The following SETBP1 variants were observed in gnomAD, a reference collection of about 807,000 sequenced individuals.
The protein encoded by SETBP1 is SET-binding protein.
A neutral mutation model predicts 101.0 loss-of-function variants in SETBP1; 9 were observed. That is an observed-to-expected ratio of 0.09 (90% CI 0.05 to 0.16). SETBP1 has a LOEUF of 0.16. Ranked by LOEUF, SETBP1 falls within the 10% of genes least tolerant of loss-of-function variation. The probability of loss-of-function intolerance (pLI) is 1.00; values close to 1 mark genes in which losing one functional copy is unlikely to be tolerated. For missense variants in SETBP1, 1,858 were observed against 2,033.8 expected (o/e 0.91, Z 1.66); for synonymous variants, 818 against 788.5 (o/e 1.04, Z -0.63).
chr18:45,037,904 A>G (rs190017600), intron 4 of SETBP1, among the ~76,000 whole-genome samples: 2 of 152,228 alleles, frequency 1.3e-5, no homozygotes, highest in African/African-American at 4.8e-5. Context: ...GCCTTAGCCT[A>G]TGCCCTTACT....
At chr18:44,977,494 T>C (rs900396165) in intron 4 of SETBP1, among the ~76,000 whole-genome samples, 1 of 152,246 alleles carries the variant, frequency 6.6e-6, no homozygotes, top group Non-Finnish European at 1.5e-5. Flanking sequence ...ATGAATTGGA[T>C]TGTGAATAAA....
At chr18:44,884,988 A>G (rs944946058) in intron 3 of SETBP1, among the ~76,000 whole-genome samples, 9 of 152,320 alleles carry the variant, frequency 5.9e-5, no homozygotes, top group African/African-American at 1.9e-4. Context: ...AATCCTACCC[A>G]GGAATGATCA....
At chr18:45,056,489 T>C (rs2073810709) in intron 5 of SETBP1, among the ~76,000 whole-genome samples, 1 of 152,224 alleles carries the variant, frequency 6.6e-6, no homozygotes, top group Admixed American at 6.5e-5. Flanking sequence ...TAGAATTATT[T>C]AGGTAAAATA....
At chr18:44,684,077 C>T (rs1483628495) in intron 1 of SETBP1, among the ~76,000 whole-genome samples, 1 of 152,144 alleles carries the variant, frequency 6.6e-6, no homozygotes, top group Non-Finnish European at 1.5e-5. Flanking sequence ...GAAAGGAAGC[C>T]TCACAGAGGT....
chr18:44,701,625 C>T lies in SETBP1; in HGVS notation c.279C>T (p.Ile93=). 1.2e-6 allele frequency: 2 copies of T among 1,614,156 alleles called. No individual in the cohort carries two copies. The highest frequency in any genetic ancestry group is 1.7e-6 in the Non-Finnish European group (2 of 1,180,034). The change falls in exon 2 of 6, where the codon ATC becomes ATT. Residue 93 remains isoleucine, a synonymous_variant. Coordinates refer to ENST00000649279, the MANE Select transcript of SETBP1 (RefSeq NM_015559.3). ...GDGLEEQEFS[I]KEANFTEGSL... is the part of the protein sequence containing the mutation. ...GTTTGGAAGAGCAGGAATTTTCTATCAAGGAGGCAAACTTCACAGAGGGAA... is the reference window on the plus strand; with the variant it reads ...GTTTGGAAGAGCAGGAATTTTCTATTAAGGAGGCAAACTTCACAGAGGGAA...
intron 4 of SETBP1, among the ~76,000 whole-genome samples, chr18:44,996,372 G>A (rs185763189): frequency 2.0e-5 from 3 of 152,326 alleles, no homozygotes; most frequent in African/African-American, 4.8e-5. Context: ...AGGAACTTGT[G>A]GGGTGGAGTT....
intron 1 of SETBP1, among the ~76,000 whole-genome samples, chr18:44,682,790 C>T (rs1287563815): frequency 1.3e-5 from 2 of 152,232 alleles, no homozygotes; most frequent in East Asian, 1.9e-4. Flanking sequence ...TCTCCTCCCC[C>T]GTTAAGGGGA....
chr18:44,850,427 G>A (rs1211363766), intron 2 of SETBP1, among the ~76,000 whole-genome samples: 1 of 151,872 alleles, frequency 6.6e-6, no homozygotes, highest in Non-Finnish European at 1.5e-5. Context: ...CTGGAATGCA[G>A]TGGTGGGATC....
At position 44,952,060 on chromosome 18, in the gene SETBP1, C is replaced by G. The variant is rs753354649; in HGVS notation, c.2720C>G (p.Ser907Cys). The stretch of plus-strand genomic sequence containing the variant: ...CTGGACAACCCGGAGGCCATTCCGT[C>G]CGACACCAGCACAAAGAACCGGCAT... ...CSLDNPEAIP[S>C]DTSTKNRHGH... The change falls in exon 4 of 6, where the codon TCC becomes TGC. Residue 907 changes from serine to cysteine, a missense_variant. By Grantham distance (112) the Ser-to-Cys change is moderately radical. Around this residue, in one of 12 missense-constraint regions of SETBP1, gnomAD observed 255 missense variants for 300.1 expected, o/e 0.85. Coordinates refer to ENST00000649279, the MANE Select transcript of SETBP1 (RefSeq NM_015559.3). 6.2e-7 allele frequency: 1 copy of G among 1,614,102 alleles called. No individual in the cohort carries two copies. The highest frequency in any genetic ancestry group is 2.2e-5 in the East Asian group (1 of 44,866).
chr18:44,785,040 T>C (rs1189147247), intron 2 of SETBP1, among the ~76,000 whole-genome samples: 1 of 152,234 alleles, frequency 6.6e-6, no homozygotes, highest in Non-Finnish European at 1.5e-5. Context: ...GTACTTTGTA[T>C]ATTGGGAATC....
chr18:44,895,173 AGGAGGGGAGGGGATGGGAGG>A (rs2069865480), intron 3 of SETBP1, among the ~76,000 whole-genome samples: 1 of 104,556 alleles, frequency 9.6e-6, no homozygotes, highest in Non-Finnish European at 2.0e-5. Context: ...GGAAGGGAAG[AGGAGGGGAGGGGATGGGAGG>A]GGAGGGGAGG....
chr18:44,957,754 A>G (rs2071521658), intron 4 of SETBP1, among the ~76,000 whole-genome samples: 1 of 152,214 alleles, frequency 6.6e-6, no homozygotes, highest in African/African-American at 2.4e-5. Context: ...GGAATTAGCC[A>G]CGTGGATGAA....
chr18:44,962,629 A>G (rs1481124777), intron 4 of SETBP1, among the ~76,000 whole-genome samples: 2 of 152,228 alleles, frequency 1.3e-5, no homozygotes, highest in African/African-American at 4.8e-5. Flanking sequence ...CATTCTACAA[A>G]AAAAGAAACC....
rs980307009 is a variant in SETBP1, at chr18:45,064,520, G to A, written c.*822G>A. On this transcript the variant is annotated 3_prime_UTR_variant, in exon 6 of 6. Coordinates refer to ENST00000649279, the MANE Select transcript of SETBP1 (RefSeq NM_015559.3). ...CCTTGGCATGCTGTTCCAAGAACCT[G>A]GGTTTGAATCCCAATCGTTGTGAAA... The A allele has an allele frequency of 6.6e-6, 1 of 151,738 alleles. No homozygotes were observed. The highest frequency in any genetic ancestry group is 2.4e-5 in the African/African-American group (1 of 41,262). 9.4% of individuals were successfully genotyped at this position (151,738 alleles called of 1,614,324 possible).
chr18:44,879,932 A>C (rs2069492253), intron 3 of SETBP1, among the ~76,000 whole-genome samples: 2 of 152,180 alleles, frequency 1.3e-5, no homozygotes, highest in Admixed American at 1.3e-4. Flanking sequence ...ATTTTTAATA[A>C]ATGTATCAGT....
At chr18:44,790,474 G>T (rs1360092123) in intron 2 of SETBP1, among the ~76,000 whole-genome samples, 1 of 152,182 alleles carries the variant, frequency 6.6e-6, no homozygotes, top group African/African-American at 2.4e-5. Context: ...AGCCATGATA[G>T]CAAGTGCCGT....
intron 2 of SETBP1, among the ~76,000 whole-genome samples, chr18:44,807,381 A>G (rs545127113): frequency 5.3e-5 from 8 of 152,158 alleles, no homozygotes; most frequent in African/African-American, 1.9e-4. Context: ...TATTTTACTC[A>G]ATTCAGAATC....
chr18:44,953,320 A>G lies in SETBP1; in HGVS notation c.3980A>G (p.Tyr1327Cys), dbSNP rs764089016. The change falls in exon 4 of 6, where the codon TAT becomes TGT. Residue 1327 changes from tyrosine to cysteine, a missense_variant. Physicochemically the swap from Tyr to Cys is radical, Grantham distance 194. Coordinates refer to ENST00000649279, the MANE Select transcript of SETBP1 (RefSeq NM_015559.3). ...FKMNRKERSSYDSSMSPGMPS... is the reference protein window; with the variant it reads ...FKMNRKERSSCDSSMSPGMPS... ...ATGAACCGCAAGGAGAGAAGTTCTT[A>G]TGACTCCTCCATGTCTCCAGGTAAG... is the stretch of plus-strand genomic sequence containing the variant. 4 of 1,613,842 alleles carry G rather than the reference A, an allele frequency of 2.5e-6. No individual in the cohort carries two copies. The highest frequency in any genetic ancestry group is 1.3e-5 in the African/African-American group (1 of 75,034).
At chr18:44,813,291 G>A (rs1940744106) in intron 2 of SETBP1, among the ~76,000 whole-genome samples, 1 of 152,172 alleles carries the variant, frequency 6.6e-6, no homozygotes, top group African/African-American at 2.4e-5. Context: ...TTTTTACATG[G>A]CAGAAGATAT....
Sources: allele counts gnomAD v4.1 joint callset (sites outside exome capture counted in the v4.1 genomes callset), GRCh38; gene constraint gnomAD v4.1.1; regional missense constraint gnomAD v4.1.1; transcripts MANE v1.5; gene names NCBI Gene and HGNC (gene_info 2026-07-23, HGNC 2026-07-21).